NBEA: variants seen among roughly 807,000 people sequenced by gnomAD.
The protein encoded by NBEA is lysosomal-trafficking regulator 2.
NBEA carries 44 observed loss-of-function variants against 343.4 expected under a neutral mutation model. The ratio of observed to expected loss-of-function variants is 0.13; its 90% CI spans 0.10 to 0.16. NBEA has a LOEUF of 0.16. NBEA is among the 10% of genes least tolerant of loss of function. NBEA has a pLI of 1.00. For synonymous variants in NBEA, 1,175 were observed against 1,238.7 expected (o/e 0.95, Z 1.08); for missense variants, 2,555 against 3,631.3 (o/e 0.70, Z 7.62).
chr13:35,120,452 A>C (rs2066733525), intron 16 of NBEA, among the ~76,000 whole-genome samples: 1 of 152,178 alleles, frequency 6.6e-6, no homozygotes, highest in African/African-American at 2.4e-5. Flanking sequence ...ATAGTATAAA[A>C]GATGAAAAAA....
chr13:35,550,080 C>T (rs937171086), intron 41 of NBEA, among the ~76,000 whole-genome samples: 2 of 152,120 alleles, frequency 1.3e-5, no homozygotes, highest in African/African-American at 4.8e-5. Flanking sequence ...TGATCCTTTG[C>T]CTGGGGTTGA....
chr13:35,034,245 C>A (rs560461542), intron 1 of NBEA, among the ~76,000 whole-genome samples: 1 of 151,938 alleles, frequency 6.6e-6, no homozygotes, highest in South Asian at 2.1e-4. Context: ...TTATCAAATG[C>A]TTCTTTAACA....
chr13:34,943,243 G>GC, intron 1 of NBEA, 129 bp downstream of exon 1: 1 of 1,246,716 alleles, frequency 8.0e-7, no homozygotes, highest in Non-Finnish European at 1.1e-6. Context: ...AGAGCGTTCA[G>GC]CCGGTATTGC....
intron 49 of NBEA, among the ~76,000 whole-genome samples, chr13:35,642,498 A>T (rs2084010883): frequency 6.6e-6 from 1 of 152,216 alleles, no homozygotes; most frequent in Non-Finnish European, 1.5e-5. Flanking sequence ...TTTACTGGAA[A>T]GTACAACAGA....
intron 35 of NBEA, among the ~76,000 whole-genome samples, chr13:35,292,474 G>A (rs996715156): frequency 1.3e-5 from 2 of 151,962 alleles, no homozygotes; most frequent in East Asian, 3.9e-4. Context: ...AGCCTTTAAT[G>A]CATCTCTTGT....
rs755671056 is a variant in NBEA, at chr13:35,550,456, C to A, written c.6586-21C>A. The A allele has an allele frequency of 3.5e-6, 5 of 1,416,176 alleles. No homozygotes were observed. The East Asian group carries it at 9.2e-5, about 26-fold the overall frequency. The allele number at this position is 1,416,176 out of a possible 1,614,324, so 87.7% of individuals were successfully genotyped here. On this transcript the variant is annotated intron_variant, in intron 41 of 58. Transcript: ENST00000379939. ...TCCATATTTTATTGATTGACACTTCCCTTTAAACTGTTTATTTTAGGTTCT... is the reference window on the plus strand; with the variant it reads ...TCCATATTTTATTGATTGACACTTCACTTTAAACTGTTTATTTTAGGTTCT...
intron 11 of NBEA, among the ~76,000 whole-genome samples, chr13:35,107,380 G>A (rs2065971360): frequency 6.6e-6 from 1 of 151,418 alleles, no homozygotes. Context: ...AATTTTGTAG[G>A]CTATTGCTTA....
At chr13:35,074,813 T>TG (rs1485230598) in intron 10 of NBEA, among the ~76,000 whole-genome samples, 1 of 152,122 alleles carries the variant, frequency 6.6e-6, no homozygotes. Context: ...ACCTATTTTT[T>TG]GGGGGGAGGG....
intron 45 of NBEA, among the ~76,000 whole-genome samples, chr13:35,575,438 G>A (rs2080690016): frequency 6.6e-6 from 1 of 152,052 alleles, no homozygotes; most frequent in South Asian, 2.1e-4. Context: ...GATTGGAAAG[G>A]TTTTGTTTGT....
intron 23 of NBEA, among the ~76,000 whole-genome samples, chr13:35,163,496 G>C (rs768198647): frequency 1.1e-4 from 17 of 151,870 alleles, no homozygotes; most frequent in Admixed American, 2.6e-4. Flanking sequence ...AACTAGGCGT[G>C]GTGGTGTCCA....
At chr13:35,505,561 T>C (rs993309037) in intron 41 of NBEA, among the ~76,000 whole-genome samples, 28 of 152,230 alleles carry the variant, frequency 1.8e-4, no homozygotes, top group African/African-American at 6.8e-4. Context: ...ATATTAGGGA[T>C]ACATCTATGC....
At chr13:35,059,199 T>C (rs2063374098) in intron 8 of NBEA, among the ~76,000 whole-genome samples, 1 of 151,896 alleles carries the variant, frequency 6.6e-6, no homozygotes, top group Admixed American at 6.6e-5. Flanking sequence ...ATAAAGAACT[T>C]GTTAATATTA....
chr13:35,270,022 T>C (rs2034003567), intron 34 of NBEA, among the ~76,000 whole-genome samples: 1 of 152,184 alleles, frequency 6.6e-6, no homozygotes, highest in African/African-American at 2.4e-5. Context: ...AATTCAGTTA[T>C]TACTTGATTT....
intron 40 of NBEA, among the ~76,000 whole-genome samples, chr13:35,471,619 A>G (rs2075652340): frequency 6.6e-6 from 1 of 152,180 alleles, no homozygotes; most frequent in South Asian, 2.1e-4. Context: ...CAACCTTAAC[A>G]GATTGAGGGA....
intron 41 of NBEA, among the ~76,000 whole-genome samples, chr13:35,533,583 T>A (rs1450671460): frequency 1.3e-5 from 2 of 152,176 alleles, no homozygotes; most frequent in Non-Finnish European, 2.9e-5. Context: ...GAAGAATTTT[T>A]CTGCTCTAGC....
At chr13:35,633,353 C>T (rs973959206) in intron 49 of NBEA, among the ~76,000 whole-genome samples, 3 of 150,570 alleles carry the variant, frequency 2.0e-5, no homozygotes, top group Non-Finnish European at 3.0e-5. Context: ...CCGCCCACCT[C>T]GGCCTTCCAA....
At position 34,942,850 on chromosome 13, in the gene NBEA, G is replaced by C; in HGVS notation, c.30G>C (p.Pro10=). Residue 10 remains proline, a synonymous_variant, in exon 1 of 59, where the codon CCG becomes CCC. Coordinates refer to ENST00000379939, the MANE Select transcript of NBEA (RefSeq NM_001385012.1). MASEKPGPG[P]GLEPQPVGLI... is the part of the protein sequence containing the mutation. ...CTAGCGAGAAGCCGGGCCCGGGCCC[G>C]GGGCTCGAGCCTCAGCCCGTGGGGC... 7.3e-7 allele frequency: 1 copy of C among 1,366,828 alleles called. No homozygotes were observed. Among genetic ancestry groups the C allele is most frequent in the Non-Finnish European group, 9.5e-7 (1 of 1,056,468 alleles). The allele number at this position is 1,366,828 out of a possible 1,614,324, so 84.7% of individuals were successfully genotyped here.
chr13:35,378,168 TAA>T (rs1378917509), intron 38 of NBEA, among the ~76,000 whole-genome samples: 3 of 152,298 alleles, frequency 2.0e-5, no homozygotes, highest in African/African-American at 7.2e-5. Flanking sequence ...CCCATAGAAA[TAA>T]AGTCTGTTTT....
intron 10 of NBEA, among the ~76,000 whole-genome samples, chr13:35,084,756 G>C (rs1321433117): frequency 2.0e-5 from 3 of 152,044 alleles, no homozygotes; most frequent in Non-Finnish European, 4.4e-5. Context: ...AGGAAATAGA[G>C]ACACAAAAAA....
Sources: allele counts gnomAD v4.1 joint callset (sites outside exome capture counted in the v4.1 genomes callset), GRCh38; gene constraint gnomAD v4.1.1; transcripts MANE v1.5; gene names NCBI Gene and HGNC (gene_info 2026-07-23, HGNC 2026-07-21).